ARID5A: variants seen among roughly 807,000 people sequenced by gnomAD.
The protein encoded by ARID5A is AT-rich interactive domain-containing protein 5A.
Under a neutral mutation model 30.5 loss-of-function variants are expected in ARID5A, and 14 were observed. That is an observed-to-expected ratio of 0.46 (90% CI 0.30 to 0.72). ARID5A has a LOEUF of 0.72. ARID5A is among the 30% of genes least tolerant of loss of function. The probability of loss-of-function intolerance (pLI) is 0.07; values close to 1 mark genes in which losing one functional copy is unlikely to be tolerated. For missense variants in ARID5A, 669 were observed against 786.2 expected (o/e 0.85, Z 1.78); for synonymous variants, 338 against 340.4 (o/e 0.99, Z 0.08).
At chr2:96,541,697 C>G (rs1286319233) in intron 1 of ARID5A, among the ~76,000 whole-genome samples, 2 of 152,214 alleles carry the variant, frequency 1.3e-5, no homozygotes, top group Non-Finnish European at 2.9e-5. Flanking sequence ...CCATCATCAT[C>G]ATTATTGCTT....
Position 96,551,519 on chromosome 2 carries a change from G to A in ARID5A, c.991G>A (p.Ala331Thr). The change falls in exon 7 of 7, where the codon GCA becomes ACA. Residue 331 changes from alanine (A) to threonine (T), a missense_variant. This residue lies in a region of ARID5A where 548 missense variants were observed against 577.4 expected (regional missense o/e 0.95). Transcript: ENST00000357485. ...TGGCAGCCTCAGAGAGGAGGCGCAG[G>A]CAGGCCCCTGCCCGGCAGCCCCCAT... is the stretch of plus-strand genomic sequence containing the variant. ...PGGSLREEAQ[A>T]GPCPAAPIFK... The A allele has an allele frequency of 6.3e-7, 1 of 1,599,810 alleles. No individual in the cohort carries two copies. The highest frequency in any genetic ancestry group is 2.3e-5 in the East Asian group (1 of 44,322).
At position 96,549,982 on chromosome 2, in the gene ARID5A, C is replaced by T; in HGVS notation, c.312+177C>T. ...CTCAAAGCAGCTTTTCAGCCTTCCC[C>T]ATCTGTTCTGCCCGCCCCGTGTTGG... On this transcript the variant is annotated intron_variant, in intron 4 of 6. Coordinates refer to ENST00000357485, the MANE Select transcript of ARID5A (RefSeq NM_212481.3). The surrounding 1 kb of genome is among the most constrained non-coding windows in gnomAD (Gnocchi z 6.1). The T allele has an allele frequency of 6.5e-7, 1 of 1,534,192 alleles. No individual in the cohort carries two copies. Among genetic ancestry groups the T allele is most frequent in the Non-Finnish European group, 8.7e-7 (1 of 1,144,892 alleles).
Position 96,549,052 on chromosome 2 carries a change from G to A in ARID5A, c.121-269G>A, listed in dbSNP as rs543119511. The stretch of plus-strand genomic sequence containing the variant: ...CTGGAGAAGGCTGGGGACTGCTCTC[G>A]TGGCAGCCTCTGGAGCCAGCTGCTC... On this transcript the variant is annotated intron_variant, in intron 2 of 6. Transcript: ENST00000357485. This position sits in a 1 kb window ranked among gnomAD's most constrained non-coding sequence, Gnocchi z 6.1. Among the ~76,000 whole-genome samples the A allele has an allele frequency of 3.3e-5, 5 of 152,166 alleles. No homozygotes were observed. The highest frequency in any genetic ancestry group is 7.4e-5 in the Non-Finnish European group (5 of 68,026).
At chr2:96,540,624 A>T (rs1165862142) in intron 1 of ARID5A, among the ~76,000 whole-genome samples, 4 of 152,256 alleles carry the variant, frequency 2.6e-5, no homozygotes, top group African/African-American at 9.6e-5. Context: ...TGCAGAGGGA[A>T]ACCTGAATTA....
At position 96,550,037 on chromosome 2, in the gene ARID5A, C is replaced by T; in HGVS notation, c.313-151C>T. On this transcript the variant is annotated intron_variant, in intron 4 of 6. Transcript: ENST00000357485. This position sits in a 1 kb window ranked among gnomAD's most constrained non-coding sequence, Gnocchi z 6.6. The stretch of plus-strand genomic sequence containing the variant: ...ACTGCTTGGGCCAGCAGTCCATGGC[C>T]CTAGGAGAGAGAATCGGCTGGCCGC... 1.3e-6 allele frequency: 2 copies of T among 1,533,610 alleles called. No homozygotes were observed. The highest frequency in any genetic ancestry group is 1.7e-6 in the Non-Finnish European group (2 of 1,146,370).
At chr2:96,545,159 T>G (rs867320354) in intron 1 of ARID5A, among the ~76,000 whole-genome samples, 3,220 of 145,154 alleles carry the variant, frequency 0.022, 104 homozygotes, top group African/African-American at 0.079. Context: ...TCTTTTTCTT[T>G]TTTTTTTTTT....
At chr2:96,551,059 G>A (rs1303640928) in intron 6 of ARID5A, 40 bp from the exon 7 acceptor site, 1 of 1,574,988 alleles carries the variant, frequency 6.3e-7, no homozygotes, top group East Asian at 2.2e-5. Context: ...CAGGATGTGG[G>A]GCTGAGGCAG....
Position 96,549,678 on chromosome 2 carries a change from G to A in ARID5A, c.260-75G>A. On this transcript the variant is annotated intron_variant, in intron 3 of 6. Transcript: ENST00000357485. The surrounding 1 kb of genome is among the most constrained non-coding windows in gnomAD (Gnocchi z 6.1). ...TGCTGGTCTGTGCCTGGCCTGTCAG[G>A]GCACCAGGAAGGGGTGGCATGCTGT... 1 of 1,604,114 alleles carries A rather than the reference G, an allele frequency of 6.2e-7. No individual in the cohort carries two copies. Among genetic ancestry groups the A allele is most frequent in the Non-Finnish European group, 8.5e-7 (1 of 1,171,502 alleles).
intron 2 of ARID5A, among the ~76,000 whole-genome samples, chr2:96,548,568 C>A (rs2065969651): frequency 6.6e-6 from 1 of 152,244 alleles, no homozygotes; most frequent in Non-Finnish European, 1.5e-5. Flanking sequence ...CCGTGCCCAG[C>A]TGGATCAAAT....
In ARID5A at chr2:96,550,799, C is replaced by T; in HGVS notation, c.570+66C>T. On this transcript the variant is annotated intron_variant, in intron 6 of 6. Coordinates refer to ENST00000357485, the MANE Select transcript of ARID5A (RefSeq NM_212481.3). The surrounding 1 kb of genome is among the most constrained non-coding windows in gnomAD (Gnocchi z 6.6). ...CTTGTAGCCCCCTACCCCACAACTC[C>T]CTGTGGCCGCGGAGCTGTCTGCTCA... 1 of 1,476,328 alleles carries T rather than the reference C, an allele frequency of 6.8e-7. No individual in the cohort carries two copies. The highest frequency in any genetic ancestry group is 2.5e-5 in the Admixed American group (1 of 39,330). 91.5% of individuals were successfully genotyped at this position (1,476,328 alleles called of 1,614,324 possible).
At position 96,552,147 on chromosome 2, in the gene ARID5A, C is replaced by T; in HGVS notation, c.1619C>T (p.Ala540Val). ...VIPAFPAHFL[A>V]TAGPSPMAAG... is the part of the protein sequence containing the mutation. ...CCGGCCTTCCCGGCCCACTTCCTGG[C>T]CACCGCAGGCCCCTCGCCCATGGCC... Residue 540 changes from alanine to valine, a missense_variant, in exon 7 of 7, where the codon GCC becomes GTC. Ala to Val is a moderately conservative substitution (Grantham distance 64). This residue lies in a region of ARID5A where 548 missense variants were observed against 577.4 expected (regional missense o/e 0.95). Transcript: ENST00000357485. The T allele has an allele frequency of 6.2e-7, 1 of 1,612,856 alleles. No homozygotes were observed. Among genetic ancestry groups the T allele is most frequent in the Non-Finnish European group, 8.5e-7 (1 of 1,179,832 alleles).
chr2:96,540,030 C>T (rs2065818533), intron 1 of ARID5A, among the ~76,000 whole-genome samples: 1 of 152,180 alleles, frequency 6.6e-6, no homozygotes, highest in Admixed American at 6.5e-5. Flanking sequence ...CTCTGTGGCC[C>T]CAGGCAAGTT....
rs2066076649 is a variant in ARID5A, at chr2:96,552,566, C to T, written c.*253C>T. On this transcript the variant is annotated 3_prime_UTR_variant, in exon 7 of 7. Coordinates refer to ENST00000357485, the MANE Select transcript of ARID5A (RefSeq NM_212481.3). ...GAGAGGATGGGCAGCTCCCACTGCC[C>T]CAGAGCGGAGCTCGAAGCACCCAGG... 1.3e-6 allele frequency: 2 copies of T among 1,509,120 alleles called. No homozygotes were observed. The highest frequency in any genetic ancestry group is 1.8e-6 in the Non-Finnish European group (2 of 1,134,442). 93.5% of individuals were successfully genotyped at this position (1,509,120 alleles called of 1,614,324 possible).
intron 6 of ARID5A, 84 bp from the exon 7 acceptor site, chr2:96,551,015 C>T: frequency 6.9e-7 from 1 of 1,459,346 alleles, no homozygotes; most frequent in Non-Finnish European, 9.3e-7. Context: ...GGGACCTGGG[C>T]AGGCCTGAAA....
At chr2:96,547,888 G>A (rs555372608) in intron 2 of ARID5A, among the ~76,000 whole-genome samples, 50 of 152,356 alleles carry the variant, frequency 3.3e-4, no homozygotes, top group African/African-American at 1.1e-3. Flanking sequence ...TGAAGGGGGA[G>A]CTGCAGGCAG....
At position 96,550,319 on chromosome 2, in the gene ARID5A, C is replaced by T; in HGVS notation, c.410+34C>T. Reference sequence around the variant, plus strand: ...GGGCGGGCCCGGGTGCTGGACGCCGCCTACCCTGCGGGGCTTTGGCCGACC... The same window carrying T: ...GGGCGGGCCCGGGTGCTGGACGCCGTCTACCCTGCGGGGCTTTGGCCGACC... On this transcript the variant is annotated intron_variant, in intron 5 of 6. Coordinates refer to ENST00000357485, the MANE Select transcript of ARID5A (RefSeq NM_212481.3). This position sits in a 1 kb window ranked among gnomAD's most constrained non-coding sequence, Gnocchi z 6.6. 7.0e-7 allele frequency: 1 copy of T among 1,427,952 alleles called. No homozygotes were observed. The highest frequency in any genetic ancestry group is 9.1e-7 in the Non-Finnish European group (1 of 1,099,372). The allele number at this position is 1,427,952 out of a possible 1,614,324, so 88.5% of individuals were successfully genotyped here. A position where few individuals can be genotyped will look rare whatever the true frequency, so the allele number is the denominator to read the frequency against.
rs981443684 is a variant in ARID5A at position 96,549,598 on chromosome 2, A to G, written c.259+139A>G. ...CCTCCCTCCAGGCTGCCACTGGGCC[A>G]GGGGTGCACAGGGCACAGCCTGCCC... On this transcript the variant is annotated intron_variant, in intron 3 of 6. Coordinates refer to ENST00000357485, the MANE Select transcript of ARID5A (RefSeq NM_212481.3). This position sits in a 1 kb window ranked among gnomAD's most constrained non-coding sequence, Gnocchi z 6.1. 3.4e-6 allele frequency: 5 copies of G among 1,474,830 alleles called. No homozygotes were observed. The African/African-American group carries it at 6.9e-5, about 20-fold the overall frequency. 91.4% of individuals were successfully genotyped at this position (1,474,830 alleles called of 1,614,324 possible). A position where few individuals can be genotyped will look rare whatever the true frequency, so the allele number is the denominator to read the frequency against.
Position 96,537,979 on chromosome 2 carries a change from G to T in ARID5A, c.4+1149G>T, listed in dbSNP as rs2065772161. 3 of 985,506 alleles carry T rather than the reference G, an allele frequency of 3.0e-6. No homozygotes were observed. Among genetic ancestry groups the T allele is most frequent in the Non-Finnish European group, 3.6e-6 (3 of 829,976 alleles). 61.0% of individuals were successfully genotyped at this position (985,506 alleles called of 1,614,324 possible). On this transcript the variant is annotated intron_variant, in intron 1 of 6. Coordinates refer to ENST00000357485, the MANE Select transcript of ARID5A (RefSeq NM_212481.3). This position sits in a 1 kb window ranked among gnomAD's most constrained non-coding sequence, Gnocchi z 4.8. ...CTGGTGGGAGCCCACACGCACGGTGGCGTCACTGCGCCTACAGGCAACGCT... is the reference window on the plus strand; with the variant it reads ...CTGGTGGGAGCCCACACGCACGGTGTCGTCACTGCGCCTACAGGCAACGCT...
chr2:96,539,590 C>T lies in ARID5A; in HGVS notation c.4+2760C>T, dbSNP rs539222298. Among the ~76,000 whole-genome samples, 16 of 152,380 alleles carry T rather than the reference C, an allele frequency of 1.1e-4. 1 individual carries two copies. In the East Asian group the frequency reaches 2.3e-3, roughly 22 times the overall value. On this transcript the variant is annotated intron_variant, in intron 1 of 6. Coordinates refer to ENST00000357485, the MANE Select transcript of ARID5A (RefSeq NM_212481.3). This position sits in a 1 kb window ranked among gnomAD's most constrained non-coding sequence, Gnocchi z 4.7. Reference sequence around the variant, plus strand: ...TAAATGGAATCTCAGTAGGTATCAACAGGTCTTTCCTCCTTCCTCAAGATT... The same window carrying T: ...TAAATGGAATCTCAGTAGGTATCAATAGGTCTTTCCTCCTTCCTCAAGATT...
Sources: allele counts gnomAD v4.1 joint callset (sites outside exome capture counted in the v4.1 genomes callset), GRCh38; gene constraint gnomAD v4.1.1; regional missense constraint gnomAD v4.1.1; non-coding constraint Gnocchi (gnomAD v3.1); transcripts MANE v1.5; gene names NCBI Gene and HGNC (gene_info 2026-07-23, HGNC 2026-07-21).